The following DISP3 variants were observed in gnomAD, a reference collection of about 807,000 sequenced individuals.
The protein encoded by DISP3 is dispatched RND transporter family member 3.
Under a neutral mutation model 135.3 loss-of-function variants are expected in DISP3, and 101 were observed. The observed-to-expected ratio is 0.75, with a 90% CI of 0.64 to 0.88. The LOEUF (loss-of-function observed/expected upper bound fraction) is 0.88. DISP3 is among the 40% of genes least tolerant of loss of function. The pLI is 0.00. For missense variants in DISP3, 1,713 were observed against 1,878.6 expected, an observed-to-expected ratio of 0.91 and a Z score of 1.63; for synonymous variants, 856 against 817.0, an observed-to-expected ratio of 1.05 and a Z score of -0.81.
chr1:11,531,604 A>G lies in DISP3; in HGVS notation c.3269A>G (p.Glu1090Gly), dbSNP rs1484553805. Residue 1090 changes from glutamate (E) to glycine (G), a missense_variant, in exon 17 of 21, where the codon GAG (glutamate) becomes GGG (glycine). Physicochemically the swap from Glu to Gly is moderately conservative, Grantham distance 98 (BLOSUM62 -2). Around this residue, in one of 2 missense-constraint regions of DISP3, gnomAD observed 1,142 missense variants for 1,384.6 expected, o/e 0.82. Coordinates refer to ENST00000294484, the MANE Select transcript of DISP3 (RefSeq NM_020780.2). This position sits in a 1 kb window ranked among gnomAD's most constrained non-coding sequence, Gnocchi z 5.2. ...ISSFLQMLHP[E>G]CKELPEPNLL... ...TCCTTCCTGCAGATGTTGCACCCTGAGTGCAAGGAGCTGCCCGAGCCCAAC... is the reference window on the plus strand; with the variant it reads ...TCCTTCCTGCAGATGTTGCACCCTGGGTGCAAGGAGCTGCCCGAGCCCAAC... 6.2e-7 allele frequency: 1 copy of G among 1,613,520 alleles called. No individual in the cohort carries two copies. The highest frequency in any genetic ancestry group is 8.5e-7 in the Non-Finnish European group (1 of 1,179,952).
intron 10 of DISP3, among the ~76,000 whole-genome samples, chr1:11,521,129 T>C (rs534269627): frequency 6.6e-6 from 1 of 152,058 alleles, no homozygotes; most frequent in African/African-American, 2.4e-5. Context: ...TAATAGTAGA[T>C]CTGAGCTTTG....
chr1:11,527,590 A>G (rs1642460722), intron 13 of DISP3, among the ~76,000 whole-genome samples: 1 of 150,004 alleles, frequency 6.7e-6, no homozygotes, highest in South Asian at 2.1e-4. Context: ...GTCCATTTCC[A>G]CCTACCTGCT....
At position 11,503,953 on chromosome 1, in the gene DISP3, A is replaced by G. The variant is rs1248869722; in HGVS notation, c.1316+1056A>G. Among the ~76,000 whole-genome samples, 6 of 152,292 alleles carry G rather than the reference A, an allele frequency of 3.9e-5. No individual in the cohort carries two copies. The East Asian group carries it at 1.2e-3, about 29-fold the overall frequency. On this transcript the variant is annotated intron_variant, in intron 3 of 20. Coordinates refer to ENST00000294484, the MANE Select transcript of DISP3 (RefSeq NM_020780.2). ...GCTTGGGGATGGTGTGCCCAGGAGT[A>G]CAACTGGGTCCCTCCCCACCAGAAC... is the stretch of plus-strand genomic sequence containing the variant.
chr1:11,502,003 C>T lies in DISP3; in HGVS notation c.1011C>T (p.Ser337=), dbSNP rs1344926951. 3 of 1,613,208 alleles carry T rather than the reference C, an allele frequency of 1.9e-6. No homozygotes were observed. Among genetic ancestry groups the T allele is most frequent in the Non-Finnish European group, 2.5e-6 (3 of 1,179,718 alleles). Reference sequence around the variant, plus strand: ...CCTACTCCTACTGCTCGCCCCCCAGCTCGCTCATGACCTACTTTTTTCCCA... The same window carrying T: ...CCTACTCCTACTGCTCGCCCCCCAGTTCGCTCATGACCTACTTTTTTCCCA... ...LGSYSYCSPP[S]SLMTYFFPTE... is the part of the protein sequence containing the mutation. Residue 337 remains serine, a synonymous_variant, in exon 2 of 21, where the codon AGC becomes AGT. Coordinates refer to ENST00000294484, the MANE Select transcript of DISP3 (RefSeq NM_020780.2).
chr1:11,482,428 A>G (rs1014892328), intron 1 of DISP3, among the ~76,000 whole-genome samples: 1 of 152,154 alleles, frequency 6.6e-6, no homozygotes, highest in Non-Finnish European at 1.5e-5. Flanking sequence ...GCCTCTTTTC[A>G]TAGCCCTATG....
rs1481815996 is a variant in DISP3 at position 11,519,697 on chromosome 1, G to A, written c.2039-22G>A. On this transcript the variant is annotated intron_variant, in intron 8 of 20. Coordinates refer to ENST00000294484, the MANE Select transcript of DISP3 (RefSeq NM_020780.2). This position sits in a 1 kb window ranked among gnomAD's most constrained non-coding sequence, Gnocchi z 4.3. The stretch of plus-strand genomic sequence containing the variant: ...GTGGGCTTTGATTCAGGCTCTGACG[G>A]GCCACTGCTCTGCCCTGGCAGTGTC... 6.2e-7 allele frequency: 1 copy of A among 1,606,866 alleles called. No individual in the cohort carries two copies. Among genetic ancestry groups the A allele is most frequent in the South Asian group, 1.1e-5 (1 of 90,828 alleles).
Position 11,529,122 on chromosome 1 carries a change from T to C in DISP3, c.2799-434T>C, listed in dbSNP as rs142846145. On this transcript the variant is annotated intron_variant, in intron 13 of 20. Transcript: ENST00000294484. The surrounding 1 kb of genome is among the most constrained non-coding windows in gnomAD (Gnocchi z 4.7). ...AGCCAGCTGTTGACACTGGAGCCCT[T>C]CCTTCCTATAGAATCTAGAGACTCC... Among the ~76,000 whole-genome samples, 480 of 152,272 alleles carry C rather than the reference T, an allele frequency of 3.2e-3. 4 individuals carry two copies. Among genetic ancestry groups the C allele is most frequent in the African/African-American group, 0.011 (463 of 41,542 alleles).
At chr1:11,525,423 G>A (rs1642385585) in intron 12 of DISP3, 111 bp downstream of exon 12, 7 of 1,306,760 alleles carry the variant, frequency 5.4e-6, no homozygotes, top group African/African-American at 1.5e-5. Context: ...GCAGCTTTGA[G>A]GATGAAGACC....
At chr1:11,528,196 G>A (rs1642478780) in intron 13 of DISP3, among the ~76,000 whole-genome samples, 1 of 152,208 alleles carries the variant, frequency 6.6e-6, no homozygotes, top group East Asian at 1.9e-4. Flanking sequence ...TGGAAGGAGA[G>A]CGAGGGGAGG....
intron 7 of DISP3, among the ~76,000 whole-genome samples, chr1:11,518,930 G>A (rs1185319804): frequency 6.6e-6 from 1 of 152,116 alleles, no homozygotes; most frequent in Non-Finnish European, 1.5e-5. Flanking sequence ...TCTCTCATGT[G>A]TTCACTCCAG....
chr1:11,490,105 C>T (rs1641141701), intron 1 of DISP3, among the ~76,000 whole-genome samples: 1 of 151,796 alleles, frequency 6.6e-6, no homozygotes, highest in Non-Finnish European at 1.5e-5. Flanking sequence ...GGACTTGGGA[C>T]TGAGGGTGGG....
chr1:11,516,721 A>C lies in DISP3; in HGVS notation c.1749+560A>C, dbSNP rs1642022440. 6.6e-6 allele frequency among the ~76,000 whole-genome samples: 1 copy of C among 152,204 alleles called. No individual in the cohort carries two copies. The highest frequency in any genetic ancestry group is 2.4e-5 in the African/African-American group (1 of 41,438). ...TACAGAAAGACAGTGAATTGGCCCAAGTCTTTGAGAAACTTTACGACCTGG... is the reference window on the plus strand; with the variant it reads ...TACAGAAAGACAGTGAATTGGCCCACGTCTTTGAGAAACTTTACGACCTGG... On this transcript the variant is annotated intron_variant, in intron 6 of 20. Transcript: ENST00000294484. This position sits in a 1 kb window ranked among gnomAD's most constrained non-coding sequence, Gnocchi z 5.1.
intron 1 of DISP3, among the ~76,000 whole-genome samples, chr1:11,480,323 A>G (rs1286619836): frequency 5.9e-5 from 9 of 152,164 alleles, no homozygotes; most frequent in African/African-American, 2.2e-4. Flanking sequence ...CCCACAGTCC[A>G]CGCGCACACT....
Position 11,535,561 on chromosome 1 carries a change from G to T in DISP3, c.3733G>T (p.Val1245Phe). 6.2e-7 allele frequency: 1 copy of T among 1,613,342 alleles called. No individual in the cohort carries two copies. ...AVEAISLSIL[V>F]GSSVDYCVHL... The stretch of plus-strand genomic sequence containing the variant: ...GGAAGCCATCTCCCTGTCCATCCTC[G>T]TTGGCTCCTCCGTGGATTACTGCGT... The change falls in exon 20 of 21, where the codon GTT becomes TTT. Residue 1245 changes from valine to phenylalanine, a missense_variant. Val to Phe is a conservative substitution (Grantham distance 50). This residue lies in a region of DISP3 where 1,142 missense variants were observed against 1,384.6 expected (regional missense o/e 0.82). Transcript: ENST00000294484.
chr1:11,531,794 C>CG lies in DISP3; in HGVS notation c.3375+91dup, dbSNP rs376855262. 5.9e-4 allele frequency: 883 copies of CG among 1,495,160 alleles called. 6 individuals carry two copies. In the African/African-American group the frequency reaches 0.011, roughly 18 times the overall value. 92.6% of individuals were successfully genotyped at this position (1,495,160 alleles called of 1,614,324 possible). On this transcript the variant is annotated intron_variant, in intron 17 of 20. Coordinates refer to ENST00000294484, the MANE Select transcript of DISP3 (RefSeq NM_020780.2). The surrounding 1 kb of genome is among the most constrained non-coding windows in gnomAD (Gnocchi z 5.2). ...TCTGATCCCAGCCCTCTTCCCAGATCGGGGGGGAGATGCTGAGGCCCAGAG... is the reference window on the plus strand; with the variant it reads ...TCTGATCCCAGCCCTCTTCCCAGATCGGGGGGGGAGATGCTGAGGCCCAGAG...
intron 5 of DISP3, 126 bp from the exon 6 acceptor site, chr1:11,515,875 T>C: frequency 3.5e-6 from 4 of 1,138,666 alleles, no homozygotes; most frequent in Non-Finnish European, 4.9e-6. Flanking sequence ...AACTGTAAGC[T>C]CAGAAGCAGG....
chr1:11,492,301 T>C (rs1002586246), intron 1 of DISP3, among the ~76,000 whole-genome samples: 3 of 152,278 alleles, frequency 2.0e-5, no homozygotes, highest in Non-Finnish European at 4.4e-5. Flanking sequence ...TAGTGGCTGT[T>C]GTGCCCATGA....
Position 11,535,463 on chromosome 1 carries a change from G to A in DISP3, c.3650-15G>A, listed in dbSNP as rs759344571. ...GCGGGGGATCCGAGCTGCCCCCCCT[G>A]CTGTCTCCTTGCAGGCATCGTGTGC... On this transcript the variant is annotated splice_polypyrimidine_tract_variant and intron_variant, in intron 19 of 20. Coordinates refer to ENST00000294484, the MANE Select transcript of DISP3 (RefSeq NM_020780.2). 1 of 1,594,578 alleles carries A rather than the reference G, an allele frequency of 6.3e-7. No individual in the cohort carries two copies.
In DISP3 at chr1:11,483,169, C is replaced by T. The variant is rs1237405575; in HGVS notation, c.-4+3797C>T. On this transcript the variant is annotated intron_variant, in intron 1 of 20. Transcript: ENST00000294484. The surrounding 1 kb of genome is among the most constrained non-coding windows in gnomAD (Gnocchi z 5.4). ...GCCGCTGGGAGACCAGACAGCCGCA[C>T]TCCACTCTGCACCAGCTGGAAGGTA... Among the ~76,000 whole-genome samples, 2 of 152,220 alleles carry T rather than the reference C, an allele frequency of 1.3e-5. No individual in the cohort carries two copies. The highest frequency in any genetic ancestry group is 4.8e-5 in the African/African-American group (2 of 41,462).
Sources: allele counts gnomAD v4.1 joint callset (sites outside exome capture counted in the v4.1 genomes callset), GRCh38; gene constraint gnomAD v4.1.1; regional missense constraint gnomAD v4.1.1; non-coding constraint Gnocchi (gnomAD v3.1); transcripts MANE v1.5; gene names NCBI Gene and HGNC (gene_info 2026-07-23, HGNC 2026-07-21).